Variants in ITGA11 observed in about 807,000 individuals in gnomAD.
The protein encoded by ITGA11 is integrin subunit alpha 11.
A neutral mutation model predicts 141.9 loss-of-function variants in ITGA11; 97 were observed. The ratio of observed to expected loss-of-function variants is 0.68; its 90% CI spans 0.58 to 0.81. The LOEUF (loss-of-function observed/expected upper bound fraction) is 0.81. Ranked by LOEUF, ITGA11 falls within the 30% of genes least tolerant of loss-of-function variation. The probability of loss-of-function intolerance (pLI) is 0.00; values close to 1 mark genes in which losing one functional copy is unlikely to be tolerated. For missense variants in ITGA11, 1,387 were observed against 1,559.2 expected, an observed-to-expected ratio of 0.89 and a Z score of 1.86; for synonymous variants, 658 against 624.6, an observed-to-expected ratio of 1.05 and a Z score of -0.80.
rs866088387 is a variant in ITGA11 at position 68,339,767 on chromosome 15, A to G, written c.1132-123T>C. ...ACCTCGGGCACCTTCTCCTGGGTGC[A>G]TTATTTAGCAACCTAACTTCTGGCT... On this transcript the variant is annotated intron_variant, in intron 10 of 29. Transcript: ENST00000315757. 5.3e-5 allele frequency: 56 copies of G among 1,054,282 alleles called. 2 individuals carry two copies. In the Middle Eastern group the frequency reaches 4.5e-3, roughly 85 times the overall value. 65.3% of individuals were successfully genotyped at this position (1,054,282 alleles called of 1,614,324 possible). A position where few individuals can be genotyped will look rare whatever the true frequency, so the allele number is the denominator to read the frequency against.
rs1893148307 is a variant in ITGA11, at chr15:68,305,022, C to T, written c.3382-1137G>A. 6.6e-6 allele frequency among the ~76,000 whole-genome samples: 1 copy of T among 152,224 alleles called. No individual in the cohort carries two copies. On this transcript the variant is annotated intron_variant, in intron 28 of 29. Coordinates refer to ENST00000315757, the MANE Select transcript of ITGA11 (RefSeq NM_001004439.2). The surrounding 1 kb of genome is among the most constrained non-coding windows in gnomAD (Gnocchi z 4.6). Reference sequence around the variant, plus strand: ...ACGAGGAAGGCAGGCTTATGCTCTGCTCTGCTCTGCTCAAGCTCAAAGTAA... The same window carrying T: ...ACGAGGAAGGCAGGCTTATGCTCTGTTCTGCTCTGCTCAAGCTCAAAGTAA...
chr15:68,430,356 G>A (rs781067290), intron 1 of ITGA11, among the ~76,000 whole-genome samples: 3 of 152,296 alleles, frequency 2.0e-5, no homozygotes, highest in East Asian at 3.9e-4. Flanking sequence ...TACAGGACAC[G>A]GAATTTGTGT....
chr15:68,318,462 C>T (rs940421066), intron 20 of ITGA11, among the ~76,000 whole-genome samples: 6 of 152,116 alleles, frequency 3.9e-5, no homozygotes, highest in South Asian at 2.1e-4. Flanking sequence ...GAGGGGACTT[C>T]GAGAGACCAT....
intron 1 of ITGA11, among the ~76,000 whole-genome samples, chr15:68,411,015 T>G (rs984929170): frequency 2.6e-5 from 4 of 152,192 alleles, no homozygotes; most frequent in African/African-American, 9.7e-5. Flanking sequence ...TCCGCCCCCA[T>G]GGGCAGCTGC....
intron 4 of ITGA11, 61 bp downstream of exon 4, chr15:68,364,646 C>T: frequency 1.1e-6 from 1 of 944,094 alleles, no homozygotes; most frequent in South Asian, 1.4e-5. Context: ...GGAGACGCTC[C>T]ACCCCTCCCC....
chr15:68,313,335 G>A (rs1347094995), intron 23 of ITGA11, among the ~76,000 whole-genome samples: 1 of 152,018 alleles, frequency 6.6e-6, no homozygotes, highest in Non-Finnish European at 1.5e-5. Flanking sequence ...AGGGGGTGGG[G>A]GTGGGAGCAG....
intron 24 of ITGA11, 37 bp downstream of exon 24, chr15:68,312,736 G>T: frequency 6.7e-7 from 1 of 1,496,760 alleles, no homozygotes; most frequent in Non-Finnish European, 9.3e-7. Flanking sequence ...CTCAGATCCC[G>T]TCCTTCCCCC....
In ITGA11 at chr15:68,404,760, C is replaced by G. The variant is rs541686885; in HGVS notation, c.53-1731G>C. 5.3e-5 allele frequency among the ~76,000 whole-genome samples: 8 copies of G among 152,298 alleles called. No homozygotes were observed. In the East Asian group the frequency reaches 1.4e-3, roughly 26 times the overall value. ...CATCTGGCCTTGATACCCATCCACA[C>G]TTGGGACGCATTAAATTTGAGGGGT... On this transcript the variant is annotated intron_variant, in intron 1 of 29. Transcript: ENST00000315757.
Position 68,311,415 on chromosome 15 carries a change from G to T in ITGA11, c.2974-12C>A. On this transcript the variant is annotated splice_polypyrimidine_tract_variant and intron_variant, in intron 24 of 29. Coordinates refer to ENST00000315757, the MANE Select transcript of ITGA11 (RefSeq NM_001004439.2). ...CCCAAGTTCTGGATCTGTGGCCAGA[G>T]ACAGGGAGGTGTCAGTACAGTCAGT... 6.6e-7 allele frequency: 1 copy of T among 1,522,108 alleles called. No homozygotes were observed. The highest frequency in any genetic ancestry group is 8.9e-7 in the Non-Finnish European group (1 of 1,118,880). The allele number at this position is 1,522,108 out of a possible 1,614,324, so 94.3% of individuals were successfully genotyped here. A position where few individuals can be genotyped will look rare whatever the true frequency, so the allele number is the denominator to read the frequency against.
At chr15:68,392,331 A>G (rs1896142744) in intron 2 of ITGA11, among the ~76,000 whole-genome samples, 1 of 152,254 alleles carries the variant, frequency 6.6e-6, no homozygotes, top group African/African-American at 2.4e-5. Context: ...ATCAAGGCAG[A>G]GCTCAATACT....
chr15:68,356,076 G>A (rs981569116), intron 7 of ITGA11, among the ~76,000 whole-genome samples: 3 of 150,470 alleles, frequency 2.0e-5, no homozygotes, highest in African/African-American at 7.3e-5. Flanking sequence ...ATCTGGATGA[G>A]TGAGTTCTGG....
At chr15:68,391,796 CTTAT>C (rs1442775840) in intron 2 of ITGA11, among the ~76,000 whole-genome samples, 19 of 152,222 alleles carry the variant, frequency 1.2e-4, no homozygotes, top group African/African-American at 4.6e-4. Flanking sequence ...TGGTCTGTGA[CTTAT>C]TTGAGAGTGA....
chr15:68,398,389 T>C (rs1003616236), intron 2 of ITGA11, among the ~76,000 whole-genome samples: 1 of 150,812 alleles, frequency 6.6e-6, no homozygotes, highest in Non-Finnish European at 1.5e-5. Flanking sequence ...CCAACAAAGA[T>C]CAAAAGAGAC....
intron 2 of ITGA11, among the ~76,000 whole-genome samples, chr15:68,370,048 G>A (rs942324691): frequency 9.9e-5 from 15 of 152,130 alleles, no homozygotes; most frequent in African/African-American, 3.6e-4. Flanking sequence ...AAGCCAAGGA[G>A]CGCCCGGGAC....
In ITGA11 at chr15:68,317,289, A is replaced by G. The variant is rs1337214951; in HGVS notation, c.2691T>C (p.Tyr897=). The change falls in exon 21 of 30, where the codon TAT becomes TAC. Residue 897 remains tyrosine (Y), a synonymous_variant. Transcript: ENST00000315757. ...CCTTGGCCTTGGCCCGGAAGAAGGG[A>G]TAGCTGACGTTGCAGACTTGCTTCT... is the stretch of plus-strand genomic sequence containing the variant. ...RLQKQVCNVS[Y]PFFRAKAKVA... The G allele has an allele frequency of 3.1e-6, 5 of 1,611,628 alleles. No homozygotes were observed. Among genetic ancestry groups the G allele is most frequent in the South Asian group, 2.2e-5 (2 of 91,044 alleles).
At chr15:68,346,668 G>C (rs1375552791) in intron 10 of ITGA11, among the ~76,000 whole-genome samples, 1 of 152,184 alleles carries the variant, frequency 6.6e-6, no homozygotes, top group Admixed American at 6.5e-5. Flanking sequence ...ATGTCACCCA[G>C]TGTGTGTCCA....
chr15:68,415,133 C>T (rs1896859147), intron 1 of ITGA11, among the ~76,000 whole-genome samples: 1 of 152,216 alleles, frequency 6.6e-6, no homozygotes, highest in African/African-American at 2.4e-5. Context: ...CTAACTTGGC[C>T]TTATCCCCCT....
Position 68,346,539 on chromosome 15 carries a change from C to T in ITGA11, c.1131+2291G>A, listed in dbSNP as rs1311825541. 4.6e-5 allele frequency among the ~76,000 whole-genome samples: 7 copies of T among 152,312 alleles called. No individual in the cohort carries two copies. The South Asian group carries it at 1.2e-3, about 27-fold the overall frequency. The stretch of plus-strand genomic sequence containing the variant: ...AAATGTTTCTTTAATGTACCTGGTA[C>T]AGAGTCTGACACACATGAAGATACT... On this transcript the variant is annotated intron_variant, in intron 10 of 29. Coordinates refer to ENST00000315757, the MANE Select transcript of ITGA11 (RefSeq NM_001004439.2).
chr15:68,303,731 G>C lies in ITGA11; in HGVS notation c.3495+41C>G. Reference sequence around the variant, plus strand: ...CAGGGGCTGGAGCCTGGGCCCACCAGCCAGGATGCTGCTCCTTCCCTCCCC... The same window carrying C: ...CAGGGGCTGGAGCCTGGGCCCACCACCCAGGATGCTGCTCCTTCCCTCCCC... On this transcript the variant is annotated intron_variant, in intron 29 of 29. Coordinates refer to ENST00000315757, the MANE Select transcript of ITGA11 (RefSeq NM_001004439.2). The surrounding 1 kb of genome is among the most constrained non-coding windows in gnomAD (Gnocchi z 5.3). The C allele has an allele frequency of 7.0e-7, 1 of 1,421,258 alleles. No homozygotes were observed. The highest frequency in any genetic ancestry group is 9.9e-7 in the Non-Finnish European group (1 of 1,012,712). 88.0% of individuals were successfully genotyped at this position (1,421,258 alleles called of 1,614,324 possible).
Sources: allele counts gnomAD v4.1 joint callset (sites outside exome capture counted in the v4.1 genomes callset), GRCh38; gene constraint gnomAD v4.1.1; non-coding constraint Gnocchi (gnomAD v3.1); transcripts MANE v1.5; gene names NCBI Gene and HGNC (gene_info 2026-07-23, HGNC 2026-07-21).